Variants in ADAM9 observed in about 807,000 individuals in gnomAD.
ADAM9 encodes the protein disintegrin and metalloproteinase domain-containing protein 9.
In ADAM9, 54 loss-of-function variants were observed where a neutral mutation model predicts 108.1. The observed-to-expected ratio is 0.50, with a 90% CI of 0.40 to 0.63. ADAM9 has a LOEUF of 0.63. Among genes scored for constraint, ADAM9 ranks in the 20% least tolerant of loss-of-function variants. The pLI, the probability that ADAM9 is intolerant of heterozygous loss-of-function variation, is 0.00. For synonymous variants in ADAM9, 316 were observed against 336.0 expected (o/e 0.94, Z 0.65); for missense variants, 830 against 997.7 (o/e 0.83, Z 2.26).
At chr8:39,008,187 A>T (rs1005119173) in intron 2 of ADAM9, among the ~76,000 whole-genome samples, 71 of 129,062 alleles carry the variant, frequency 5.5e-4, no homozygotes, top group African/African-American at 1.6e-3. Flanking sequence ...TTTTTTTTTT[A>T]AAATGGAGTC....
intron 12 of ADAM9, among the ~76,000 whole-genome samples, chr8:39,045,101 T>C (rs1451721972): frequency 3.3e-5 from 1 of 30,546 alleles, no homozygotes; most frequent in African/African-American, 1.4e-4. Context: ...CATATGTGTG[T>C]GTGCATACAT....
intron 2 of ADAM9, among the ~76,000 whole-genome samples, chr8:39,008,511 G>C (rs1434134209): frequency 6.6e-6 from 1 of 152,042 alleles, no homozygotes; most frequent in East Asian, 1.9e-4. Flanking sequence ...TGATCAACTC[G>C]AAACATAACA....
chr8:39,081,779 A>T (rs1241858493), intron 16 of ADAM9, among the ~76,000 whole-genome samples: 1 of 152,110 alleles, frequency 6.6e-6, no homozygotes, highest in East Asian at 1.9e-4. Flanking sequence ...ATTTCATTTG[A>T]GCATTTAAAT....
chr8:39,068,926 G>C (rs1235781771), intron 14 of ADAM9, among the ~76,000 whole-genome samples: 1 of 152,112 alleles, frequency 6.6e-6, no homozygotes, highest in Non-Finnish European at 1.5e-5. Context: ...GGGTAGAGAA[G>C]AGACAGTCAC....
Position 39,104,412 on chromosome 8 carries a change from T to G in ADAM9, c.*712T>G, listed in dbSNP as rs1285117132. 2.3e-6 allele frequency: 1 copy of G among 433,010 alleles called. No individual in the cohort carries two copies. The highest frequency in any genetic ancestry group is 2.0e-5 in the African/African-American group (1 of 49,280). 26.8% of individuals were successfully genotyped at this position (433,010 alleles called of 1,614,324 possible). A position where few individuals can be genotyped will look rare whatever the true frequency, so the allele number is the denominator to read the frequency against. On this transcript the variant is annotated 3_prime_UTR_variant, in exon 22 of 22. Transcript: ENST00000487273. ...AATTAATTTAATATTAGAATTTCTA[T>G]TATGAATCATGTGAAAGCATGACAT...
intron 1 of ADAM9, 61 bp downstream of exon 1, chr8:38,997,221 G>C (rs908421128): frequency 1.0e-5 from 16 of 1,528,808 alleles, no homozygotes; most frequent in African/African-American, 1.4e-5. Context: ...GGCGCTCGGA[G>C]TGAACCTGTG....
intron 16 of ADAM9, among the ~76,000 whole-genome samples, chr8:39,082,415 T>C (rs1050731980): frequency 6.6e-6 from 1 of 152,162 alleles, no homozygotes; most frequent in Non-Finnish European, 1.5e-5. Flanking sequence ...ATCTTTGTTT[T>C]TGGTCTTTAT....
chr8:39,042,533 C>T (rs893081155), intron 12 of ADAM9, among the ~76,000 whole-genome samples: 9 of 151,564 alleles, frequency 5.9e-5, no homozygotes, highest in Non-Finnish European at 1.0e-4. Flanking sequence ...CAGCGTCCTT[C>T]AGTATTCAAA....
rs1056845128 is a variant in ADAM9, at chr8:39,055,565, C to A, written c.1396-12C>A. The A allele has an allele frequency of 3.1e-6, 5 of 1,612,662 alleles. No homozygotes were observed. The African/African-American group carries it at 5.3e-5, about 17-fold the overall frequency. ...CTGATATTTCTGTTTAATTTGAATT[C>A]TATTTCACTAGTTCCTTCCAGGAGG... On this transcript the variant is annotated splice_polypyrimidine_tract_variant and intron_variant, in intron 13 of 21. Transcript: ENST00000487273.
chr8:39,002,367 G>C (rs1836024698), intron 1 of ADAM9, among the ~76,000 whole-genome samples: 2 of 126,494 alleles, frequency 1.6e-5, no homozygotes, highest in South Asian at 4.8e-4. Flanking sequence ...TGCCCAGACT[G>C]GGGTGCAGTG....
rs527587486 is a variant in ADAM9 at position 39,051,742 on chromosome 8, T to C, written c.1303-2739T>C. On this transcript the variant is annotated intron_variant, in intron 12 of 21. Transcript: ENST00000487273. ...GTGTGCAGATTTTTTTCTATTACGA[T>C]ATCCTGGACATTTTTCTGTATCATT... 6.6e-5 allele frequency among the ~76,000 whole-genome samples: 10 copies of C among 152,322 alleles called. No individual in the cohort carries two copies. In the South Asian group the frequency reaches 1.9e-3, roughly 28 times the overall value.
chr8:39,031,691 G>A (rs748127043), intron 11 of ADAM9, among the ~76,000 whole-genome samples: 7 of 152,174 alleles, frequency 4.6e-5, no homozygotes, highest in Non-Finnish European at 7.3e-5. Flanking sequence ...TTGTTCCGTT[G>A]CTGGCGAGGA....
chr8:39,067,069 T>TG (rs1449721192), intron 14 of ADAM9, among the ~76,000 whole-genome samples: 1 of 152,136 alleles, frequency 6.6e-6, no homozygotes, highest in Admixed American at 6.5e-5. Context: ...TGTAGATGTG[T>TG]GGTATTATTT....
chr8:39,008,593 A>G (rs1836242991), intron 2 of ADAM9, among the ~76,000 whole-genome samples: 1 of 152,194 alleles, frequency 6.6e-6, no homozygotes, highest in African/African-American at 2.4e-5. Flanking sequence ...CTGACAGGCA[A>G]TGGTCACAGT....
rs35266733 is a variant in ADAM9 at position 39,088,270 on chromosome 8, CT to C, written c.2069-1764del. The stretch of plus-strand genomic sequence containing the variant: ...TATTGTTTCATATAGTTTTATACAA[CT>C]TTTTTTTTTTTTGAGATGGAGTCTC... On this transcript the variant is annotated intron_variant, in intron 18 of 21. Transcript: ENST00000487273. Among the ~76,000 whole-genome samples, 1,262 of 147,392 alleles carry C rather than the reference CT, an allele frequency of 8.6e-3. 24 individuals are homozygous for C. Among genetic ancestry groups the C allele is most frequent in the African/African-American group, 0.029 (1,152 of 40,212 alleles).
At chr8:39,103,582 T>TA (rs1184629008) in intron 21 of ADAM9, 25 bp from the exon 22 acceptor site, 1 of 1,603,734 alleles carries the variant, frequency 6.2e-7, no homozygotes, top group Non-Finnish European at 8.5e-7. Flanking sequence ...AAACACTCTA[T>TA]TAACTATCTC....
chr8:39,073,137 A>G (rs977481172), intron 15 of ADAM9, among the ~76,000 whole-genome samples: 1 of 152,214 alleles, frequency 6.6e-6, no homozygotes, highest in African/African-American at 2.4e-5. Flanking sequence ...TGAAAGAAAA[A>G]GTATATTCTG....
At chr8:39,045,568 G>GTATATA (rs1354034713) in intron 12 of ADAM9, among the ~76,000 whole-genome samples, 2,009 of 139,270 alleles carry the variant, frequency 0.014, 46 homozygotes, top group African/African-American at 0.046. Context: ...ATGTGTGTGT[G>GTATATA]TGTATATATA....
chr8:39,039,141 C>G (rs1416793148), intron 11 of ADAM9, among the ~76,000 whole-genome samples: 1 of 152,094 alleles, frequency 6.6e-6, no homozygotes, highest in Non-Finnish European at 1.5e-5. Flanking sequence ...TACAAAAGAC[C>G]AAGCTATAGA....
Sources: allele counts gnomAD v4.1 joint callset (sites outside exome capture counted in the v4.1 genomes callset), GRCh38; gene constraint gnomAD v4.1.1; transcripts MANE v1.5; gene names NCBI Gene and HGNC (gene_info 2026-07-23, HGNC 2026-07-21).